ZYG11B: variants seen among roughly 807,000 people sequenced by gnomAD.
ZYG11B encodes zyg-11 family member B, cell cycle regulator.
ZYG11B carries 36 observed loss-of-function variants against 82.4 expected under a neutral mutation model. That is an observed-to-expected ratio of 0.44 (90% CI 0.33 to 0.58). The LOEUF (loss-of-function observed/expected upper bound fraction) is 0.58. Ranked by LOEUF, ZYG11B falls within the 20% of genes least tolerant of loss-of-function variation. The probability of loss-of-function intolerance (pLI) is 0.02; values close to 1 mark genes in which losing one functional copy is unlikely to be tolerated. For missense variants in ZYG11B, 552 were observed against 895.6 expected (o/e 0.62, Z 4.90); for synonymous variants, 303 against 312.8 (o/e 0.97, Z 0.33).
At chr1:52,817,221 T>G (rs1000310815) in intron 13 of ZYG11B, among the ~76,000 whole-genome samples, 1 of 152,170 alleles carries the variant, frequency 6.6e-6, no homozygotes, top group Non-Finnish European at 1.5e-5. Flanking sequence ...TGAGTCCATT[T>G]GTTGAGTAAA....
At chr1:52,799,928 A>G (rs1558138723) in intron 8 of ZYG11B, among the ~76,000 whole-genome samples, 1 of 152,162 alleles carries the variant, frequency 6.6e-6, no homozygotes, top group South Asian at 2.1e-4. Context: ...CTAGCCATGT[A>G]TTTTGGGCAA....
intron 2 of ZYG11B, among the ~76,000 whole-genome samples, chr1:52,768,074 A>G (rs1644713685): frequency 1.3e-5 from 2 of 152,132 alleles, no homozygotes; most frequent in Admixed American, 6.6e-5. Flanking sequence ...CTAGGCCCCT[A>G]TTGGCATTTG....
intron 8 of ZYG11B, 141 bp downstream of exon 8, chr1:52,796,925 TAA>T (rs1645014537): frequency 9.2e-6 from 1 of 108,362 alleles, no homozygotes; most frequent in Admixed American, 1.7e-4. Flanking sequence ...ATATTATATA[TAA>T]TTATATATTA....
At chr1:52,765,076 G>A (rs943812772) in intron 2 of ZYG11B, among the ~76,000 whole-genome samples, 32 of 151,350 alleles carry the variant, frequency 2.1e-4, no homozygotes, top group South Asian at 6.3e-4. Context: ...TAATAGAGAT[G>A]GAGTCGCACT....
At chr1:52,810,774 C>T (rs1008528106) in intron 10 of ZYG11B, among the ~76,000 whole-genome samples, 6 of 152,128 alleles carry the variant, frequency 3.9e-5, no homozygotes, top group African/African-American at 1.2e-4. Context: ...GTGGCTCACA[C>T]CTGTAATCCC....
At chr1:52,803,087 C>CATATATATATATATATATATAT (rs1232248742) in intron 10 of ZYG11B, among the ~76,000 whole-genome samples, 8 of 22,546 alleles carry the variant, frequency 3.5e-4, no homozygotes, top group Admixed American at 2.2e-3. Flanking sequence ...TATATATACA[C>CATATATATATATATATATATAT]ATATATATAT....
intron 2 of ZYG11B, among the ~76,000 whole-genome samples, chr1:52,766,159 C>T (rs1222019712): frequency 3.1e-5 from 4 of 130,748 alleles, no homozygotes; most frequent in South Asian, 2.4e-4. Flanking sequence ...CTTGCTGTGT[C>T]GCCCAGGCTG....
intron 3 of ZYG11B, among the ~76,000 whole-genome samples, chr1:52,773,627 ATTTTTTTTTTTT>A (rs560456264): frequency 1.0e-4 from 3 of 29,244 alleles, no homozygotes; most frequent in African/African-American, 5.5e-4. Flanking sequence ...ATATATATAT[ATTTTTTTTTTTT>A]TTTTTTTTTT....
chr1:52,769,755 C>T (rs946872841), intron 2 of ZYG11B, among the ~76,000 whole-genome samples: 2 of 152,182 alleles, frequency 1.3e-5, no homozygotes, highest in African/African-American at 4.8e-5. Flanking sequence ...AGCCTAGCTG[C>T]ATTTTGAGTA....
chr1:52,802,030 C>T, intron 9 of ZYG11B, 50 bp downstream of exon 9: 1 of 1,581,678 alleles, frequency 6.3e-7, no homozygotes, highest in Non-Finnish European at 8.6e-7. Flanking sequence ...AATTTATTTA[C>T]TTTAGCATTT....
chr1:52,770,092 A>ATATATTTTT (rs1553259758), intron 2 of ZYG11B, among the ~76,000 whole-genome samples: 1 of 94,470 alleles, frequency 1.1e-5, no homozygotes, highest in Non-Finnish European at 1.9e-5. Context: ...ATATATATAT[A>ATATATTTTT]TTTTTTTTTT....
At chr1:52,821,105 C>T (rs1355529639) in intron 13 of ZYG11B, among the ~76,000 whole-genome samples, 3 of 149,076 alleles carry the variant, frequency 2.0e-5, no homozygotes, top group Non-Finnish European at 4.4e-5. Context: ...AAAAAAAAAG[C>T]ATAGGAAATG....
At chr1:52,757,164 A>G (rs1483195367) in intron 2 of ZYG11B, among the ~76,000 whole-genome samples, 2 of 151,652 alleles carry the variant, frequency 1.3e-5, no homozygotes, top group African/African-American at 4.8e-5. Flanking sequence ...CTGGGACTAT[A>G]GCTTGGCTAA....
chr1:52,781,028 C>T (rs1644852122), intron 4 of ZYG11B, among the ~76,000 whole-genome samples: 1 of 151,304 alleles, frequency 6.6e-6, no homozygotes, highest in South Asian at 2.1e-4. Flanking sequence ...CCAGTAATCC[C>T]AGCTACTCAG....
intron 1 of ZYG11B, among the ~76,000 whole-genome samples, chr1:52,742,794 A>C (rs1177383275): frequency 6.6e-6 from 1 of 151,202 alleles, no homozygotes; most frequent in Non-Finnish European, 1.5e-5. Flanking sequence ...GTGAGCCGAG[A>C]TCGTGCCACT....
chr1:52,816,808 G>A (rs1340956676), intron 13 of ZYG11B, among the ~76,000 whole-genome samples, 179 bp downstream of exon 13: 21 of 95,198 alleles, frequency 2.2e-4, no homozygotes, highest in Non-Finnish European at 3.8e-4. Flanking sequence ...TTTTTTTTGA[G>A]ACGAAGTCTC....
intron 2 of ZYG11B, among the ~76,000 whole-genome samples, chr1:52,759,319 T>C (rs1311136756): frequency 6.6e-6 from 1 of 152,222 alleles, no homozygotes; most frequent in South Asian, 2.1e-4. Context: ...CCAGATTGGG[T>C]TATCCTTTGG....
chr1:52,803,249 CATATATATATAT>C lies in ZYG11B; in HGVS notation c.1695+1116_1695+1127del, dbSNP rs202177836. ...ACACACATATATATATACACACACA[CATATATATATAT>C]ATATACACACACACACACATATATA... On this transcript the variant is annotated intron_variant, in intron 10 of 13. Coordinates refer to ENST00000294353, the MANE Select transcript of ZYG11B (RefSeq NM_024646.3). Among the ~76,000 whole-genome samples, 176 of 44,400 alleles carry C rather than the reference CATATATATATAT, an allele frequency of 4.0e-3. 12 individuals carry two copies. Among genetic ancestry groups the C allele is most frequent in the African/African-American group, 0.025 (161 of 6,484 alleles). 29.1% of individuals were successfully genotyped at this position (44,400 alleles called of 152,430 possible). A position where few individuals can be genotyped will look rare whatever the true frequency, so the allele number is the denominator to read the frequency against.
intron 4 of ZYG11B, among the ~76,000 whole-genome samples, chr1:52,784,254 A>G (rs1644894458): frequency 6.6e-6 from 1 of 152,018 alleles, no homozygotes. Flanking sequence ...GGCCTCCCAG[A>G]GTGCTGGGAT....
Sources: allele counts gnomAD v4.1 joint callset (sites outside exome capture counted in the v4.1 genomes callset), GRCh38; gene constraint gnomAD v4.1.1; transcripts MANE v1.5; gene names NCBI Gene and HGNC (gene_info 2026-07-23, HGNC 2026-07-21).